GNB4: variants seen among roughly 807,000 people sequenced by gnomAD.
GNB4 encodes G protein subunit beta 4.
GNB4 carries 28 observed loss-of-function variants against 45.2 expected under a neutral mutation model. The ratio of observed to expected loss-of-function variants is 0.62; its 90% CI spans 0.46 to 0.85. The LOEUF is 0.85. Among genes scored for constraint, GNB4 ranks in the 40% least tolerant of loss-of-function variants. GNB4 has a pLI of 0.00. For missense variants in GNB4, 321 were observed against 425.4 expected (o/e 0.75, Z 2.16); for synonymous variants, 132 against 143.7 (o/e 0.92, Z 0.58).
intron 5 of GNB4, 73 bp from the exon 6 acceptor site, chr3:179,415,120 A>G (rs927354881): frequency 4.4e-6 from 5 of 1,143,530 alleles, no homozygotes; most frequent in African/African-American, 3.1e-5. Flanking sequence ...TTTACAATGA[A>G]GTAAATATTA....
chr3:179,470,107 C>T, the GNB4 span, among the ~76,000 whole-genome samples: 1 of 152,152 alleles, frequency 6.6e-6, no homozygotes, highest in Admixed American at 6.5e-5. Context: ...TATAGCAATA[C>T]AATTAGGTAC....
chr3:179,489,001 AAAAAAAAAAAAAAAAAAAATATAT>A, the GNB4 span, among the ~76,000 whole-genome samples: 1 of 33,706 alleles, frequency 3.0e-5, no homozygotes, highest in Admixed American at 4.6e-4. Flanking sequence ...AAAAAAAAAA[AAAAAAAAAAAAAAAAAAAATATAT>A]ATATATATAT....
chr3:179,473,377 C>T, the GNB4 span, among the ~76,000 whole-genome samples: 19,218 of 151,956 alleles, frequency 0.13, 1,521 homozygotes, highest in African/African-American at 0.21. Context: ...TACCCTTCAC[C>T]CAATTTCCTC....
At chr3:179,425,602 C>A (rs1299905620) in intron 2 of GNB4, among the ~76,000 whole-genome samples, 1 of 152,158 alleles carries the variant, frequency 6.6e-6, no homozygotes, top group Admixed American at 6.5e-5. Flanking sequence ...TCCCAAGTAG[C>A]TGGGATTACA....
chr3:179,515,932 T>G, the GNB4 span, among the ~76,000 whole-genome samples: 1 of 152,190 alleles, frequency 6.6e-6, no homozygotes. Context: ...ATAGAATGGT[T>G]GGTGATGGCC....
At position 179,413,466 on chromosome 3, in the gene GNB4, A is replaced by G. The variant is rs755596977; in HGVS notation, c.645T>C (p.Asp215=). 5 of 1,614,106 alleles carry G rather than the reference A, an allele frequency of 3.1e-6. No individual in the cohort carries two copies. In the Admixed American group the frequency reaches 8.3e-5, roughly 27 times the overall value. The change falls in exon 8 of 10, where the codon GAT becomes GAC. Residue 215 remains aspartate (D), a synonymous_variant. Transcript: ENST00000232564. ...DASSKLWDIR[D]GMCRQSFTGH... The stretch of plus-strand genomic sequence containing the variant: ...CCGTGAAAGACTGTCTACACATTCC[A>G]TCTCGAATATCCCATAATTTGGAAG...
chr3:179,433,345 C>A (rs1325043196), intron 1 of GNB4, among the ~76,000 whole-genome samples: 1 of 152,038 alleles, frequency 6.6e-6, no homozygotes, highest in Non-Finnish European at 1.5e-5. Flanking sequence ...ACCAGCTGTA[C>A]CCTCCACCCC....
At chr3:179,513,658 C>G in the GNB4 span, among the ~76,000 whole-genome samples, 1 of 152,054 alleles carries the variant, frequency 6.6e-6, no homozygotes, top group Non-Finnish European at 1.5e-5. Flanking sequence ...TTCACATGGA[C>G]AATGCATTTG....
the GNB4 span, among the ~76,000 whole-genome samples, chr3:179,476,586 C>T: frequency 6.6e-6 from 1 of 152,210 alleles, no homozygotes; most frequent in East Asian, 1.9e-4. Context: ...CAGTATTGCC[C>T]TAGTAGGGGC....
chr3:179,403,138 T>G (rs1172739548), intron 9 of GNB4, among the ~76,000 whole-genome samples: 1 of 152,126 alleles, frequency 6.6e-6, no homozygotes, highest in Non-Finnish European at 1.5e-5. Flanking sequence ...ACAGCAAAGC[T>G]TCCTCAGTGA....
Position 179,430,607 on chromosome 3 carries a change from T to C in GNB4, c.-42-4365A>G, listed in dbSNP as rs1577035923. Among the ~76,000 whole-genome samples the C allele has an allele frequency of 2.7e-5, 4 of 148,948 alleles. No individual in the cohort carries two copies. In the South Asian group the frequency reaches 8.5e-4, roughly 32 times the overall value. ...TAGCTGGGACTACAGGCATGCATTA[T>C]CATGCCTGGCTAATTTTTTTTTTTT... On this transcript the variant is annotated intron_variant, in intron 1 of 9. Coordinates refer to ENST00000232564, the MANE Select transcript of GNB4 (RefSeq NM_021629.4).
At chr3:179,423,782 G>C (rs1715063344) in intron 2 of GNB4, among the ~76,000 whole-genome samples, 2 of 112,940 alleles carry the variant, frequency 1.8e-5, no homozygotes, top group Admixed American at 1.9e-4. Flanking sequence ...GTCTCACTCT[G>C]ATTTAAAAAA....
chr3:179,521,821 A>G, the GNB4 span, among the ~76,000 whole-genome samples: 1 of 152,194 alleles, frequency 6.6e-6, no homozygotes, highest in African/African-American at 2.4e-5. Flanking sequence ...ATTCATACAA[A>G]ACCATATCCA....
the GNB4 span, among the ~76,000 whole-genome samples, chr3:179,510,380 T>C: frequency 1.3e-5 from 2 of 152,118 alleles, no homozygotes; most frequent in African/African-American, 4.8e-5. Context: ...AGAAAATCTT[T>C]CTTCTTATTA....
chr3:179,440,257 A>T (rs1321692353), intron 1 of GNB4, among the ~76,000 whole-genome samples: 1 of 152,192 alleles, frequency 6.6e-6, no homozygotes, highest in South Asian at 2.1e-4. Context: ...TTGAAGAAAT[A>T]TAAGAATGAA....
At chr3:179,449,355 G>A (rs949575476) in intron 1 of GNB4, among the ~76,000 whole-genome samples, 13 of 152,200 alleles carry the variant, frequency 8.5e-5, no homozygotes, top group Non-Finnish European at 1.6e-4. Context: ...GAGAATGGCT[G>A]ATGTGAGAAG....
chr3:179,485,827 C>G, the GNB4 span, among the ~76,000 whole-genome samples: 11 of 152,216 alleles, frequency 7.2e-5, no homozygotes, highest in African/African-American at 2.6e-4. Context: ...GTAGTCGCAG[C>G]TACTCAGGAG....
intron 1 of GNB4, among the ~76,000 whole-genome samples, chr3:179,442,198 A>C (rs2108618657): frequency 6.6e-6 from 1 of 152,340 alleles, no homozygotes; most frequent in African/African-American, 2.4e-5. Context: ...ACGTCATTGA[A>C]ACCAAATGTT....
the GNB4 span, among the ~76,000 whole-genome samples, chr3:179,520,980 A>C: frequency 0.34 from 51,736 of 151,994 alleles, 9,616 homozygotes; most frequent in East Asian, 0.67. Context: ...ATCACTTCTC[A>C]GTGTTCCATC....
Sources: allele counts gnomAD v4.1 joint callset (sites outside exome capture counted in the v4.1 genomes callset), GRCh38; gene constraint gnomAD v4.1.1; transcripts MANE v1.5; gene names NCBI Gene and HGNC (gene_info 2026-07-23, HGNC 2026-07-21).